SLC9A2: variants seen among roughly 807,000 people sequenced by gnomAD.
SLC9A2 encodes the protein sodium/hydrogen exchanger 2.
SLC9A2 carries 42 observed loss-of-function variants against 71.7 expected under a neutral mutation model. The ratio of observed to expected loss-of-function variants is 0.59; its 90% confidence interval spans 0.46 to 0.76. The LOEUF (loss-of-function observed/expected upper bound fraction) is 0.76, where lower values mean the gene tolerates loss of function less well. SLC9A2 is among the 30% of genes least tolerant of loss of function. The probability of loss-of-function intolerance (pLI) is 0.00; values close to 1 mark genes in which losing one functional copy is unlikely to be tolerated. For synonymous variants in SLC9A2, 396 were observed against 392.5 expected (o/e 1.01, Z -0.10); for missense variants, 829 against 1,017.4 (o/e 0.81, Z 2.52).
chr2:102,694,276 A>T, intron 5 of SLC9A2, 138 bp from the exon 6 acceptor site: 1 of 256,900 alleles, frequency 3.9e-6, no homozygotes. Flanking sequence ...TTTTGTCATT[A>T]CTTATCAAAG....
intron 1 of SLC9A2, among the ~76,000 whole-genome samples, chr2:102,638,125 G>A (rs990545435): frequency 6.6e-6 from 1 of 152,178 alleles, no homozygotes; most frequent in Non-Finnish European, 1.5e-5. Flanking sequence ...CACTAGATAG[G>A]CCCAACAAAA....
chr2:102,665,800 A>G (rs549729849), intron 3 of SLC9A2, among the ~76,000 whole-genome samples: 33 of 146,210 alleles, frequency 2.3e-4, no homozygotes, highest in Non-Finnish European at 3.8e-4. Context: ...AAAAAAAAAA[A>G]AGATTTTTCT....
intron 2 of SLC9A2, among the ~76,000 whole-genome samples, chr2:102,664,445 G>GCACACACACACACA (rs58155284): frequency 6.8e-6 from 1 of 147,966 alleles, no homozygotes; most frequent in South Asian, 2.2e-4. Context: ...TTCAGCAGAT[G>GCACACACACACACA]CACACACACA....
intron 7 of SLC9A2, chr2:102,697,491 G>T (rs1165822565): frequency 6.6e-6 from 1 of 151,744 alleles, no homozygotes; most frequent in African/African-American, 2.4e-5. Context: ...GCTAGCATTT[G>T]CCACTGCAGT....
At chr2:102,638,852 C>A (rs537216074) in intron 1 of SLC9A2, among the ~76,000 whole-genome samples, 53 of 152,322 alleles carry the variant, frequency 3.5e-4, no homozygotes, top group African/African-American at 1.3e-3. Context: ...AAAATAAAAA[C>A]TTTTAAAACC....
intron 1 of SLC9A2, among the ~76,000 whole-genome samples, chr2:102,639,347 C>A (rs182158999): frequency 3.9e-4 from 60 of 152,292 alleles, no homozygotes; most frequent in Non-Finnish European, 7.1e-4. Context: ...TTTTGAGCTG[C>A]CAAAAACTTC....
At chr2:102,643,790 G>A (rs1206462139) in intron 1 of SLC9A2, among the ~76,000 whole-genome samples, 1 of 151,942 alleles carries the variant, frequency 6.6e-6, no homozygotes, top group Admixed American at 6.6e-5. Flanking sequence ...TTGTTAAAGA[G>A]ATGGAGGTCT....
At position 102,665,212 on chromosome 2, in the gene SLC9A2, G is replaced by C. The variant is rs1482451230; in HGVS notation, c.866G>C (p.Gly289Ala). 1.9e-6 allele frequency: 3 copies of C among 1,613,878 alleles called. No homozygotes were observed. The highest frequency in any genetic ancestry group is 1.7e-5 in the Admixed American group (1 of 59,972). ...GTGGGAATCGGTGGGGTGCTGATTG[G>C]CATCTTCTTGGGCTTTATAGCGGCA... ...FVVGIGGVLI[G>A]IFLGFIAAFT... Residue 289 changes from glycine (G) to alanine (A), a missense_variant, in exon 3 of 12, where the codon GGC becomes GCC. Transcript: ENST00000233969.
chr2:102,684,829 C>T (rs1398282466), intron 5 of SLC9A2, among the ~76,000 whole-genome samples: 1 of 152,096 alleles, frequency 6.6e-6, no homozygotes, highest in Non-Finnish European at 1.5e-5. Flanking sequence ...GTTAAGATGC[C>T]AACTCTTAGA....
chr2:102,623,133 A>G (rs575069045), intron 1 of SLC9A2, among the ~76,000 whole-genome samples: 1 of 151,918 alleles, frequency 6.6e-6, no homozygotes, highest in Admixed American at 6.6e-5. Context: ...TTTCCCCTGC[A>G]TTGTGCTTGG....
intron 3 of SLC9A2, among the ~76,000 whole-genome samples, chr2:102,675,097 C>T (rs1161044817): frequency 2.6e-5 from 4 of 152,192 alleles, no homozygotes; most frequent in Non-Finnish European, 5.9e-5. Flanking sequence ...CAGAAGAAGG[C>T]AGCGAACTTA....
intron 3 of SLC9A2, among the ~76,000 whole-genome samples, chr2:102,670,962 A>G (rs533477804): frequency 5.3e-5 from 8 of 150,868 alleles, no homozygotes; most frequent in Non-Finnish European, 1.2e-4. Flanking sequence ...ATAGCCCTAC[A>G]TGCCAGAATA....
At chr2:102,707,013 A>G (rs1010150635) in intron 11 of SLC9A2, among the ~76,000 whole-genome samples, 7 of 152,198 alleles carry the variant, frequency 4.6e-5, no homozygotes, top group African/African-American at 1.4e-4. Context: ...CAAATACCAT[A>G]TATTTTCACT....
intron 5 of SLC9A2, among the ~76,000 whole-genome samples, chr2:102,687,842 G>A (rs1243373089): frequency 1.3e-5 from 2 of 151,688 alleles, no homozygotes; most frequent in Non-Finnish European, 2.9e-5. Flanking sequence ...GCAGTGGCAC[G>A]ATCTTGGCTC....
chr2:102,626,691 T>G (rs937977896), intron 1 of SLC9A2, among the ~76,000 whole-genome samples: 3 of 151,928 alleles, frequency 2.0e-5, no homozygotes, highest in Non-Finnish European at 4.4e-5. Context: ...AGGGCTAATA[T>G]CCAGAATCTA....
At chr2:102,689,718 G>C (rs945830738) in intron 5 of SLC9A2, 1 of 152,186 alleles carries the variant, frequency 6.6e-6, no homozygotes, top group Non-Finnish European at 1.5e-5. Context: ...TAGGTGAAAA[G>C]TTTAGGATAT....
intron 1 of SLC9A2, among the ~76,000 whole-genome samples, chr2:102,646,274 C>T (rs1425644020): frequency 2.6e-5 from 4 of 152,092 alleles, no homozygotes; most frequent in Non-Finnish European, 4.4e-5. Flanking sequence ...TCACCACCAG[C>T]CCTGCCTTAC....
In SLC9A2 at chr2:102,629,456, A is replaced by G. The variant is rs567819272; in HGVS notation, c.289+9319A>G. ...CCTATACTATCAAATGAGTTATGTT[A>G]TTTTCATTTGGCTAGGCCTCATTAA... On this transcript the variant is annotated intron_variant, in intron 1 of 11. Transcript: ENST00000233969. Among the ~76,000 whole-genome samples the G allele has an allele frequency of 1.5e-4, 23 of 152,134 alleles. No individual in the cohort carries two copies. In the South Asian group the frequency reaches 2.3e-3, roughly 15 times the overall value.
chr2:102,699,302 G>A (rs1573434741), intron 7 of SLC9A2, among the ~76,000 whole-genome samples: 1 of 152,254 alleles, frequency 6.6e-6, no homozygotes, highest in Admixed American at 6.5e-5. Flanking sequence ...GAGCACTGCT[G>A]GTAAGTCTTT....
Sources: gnomAD v4.1 joint callset for allele counts (sites outside exome capture counted in the v4.1 genomes callset) on GRCh38, gnomAD v4.1.1 for gene constraint, MANE v1.5 for transcripts, NCBI Gene and HGNC (gene_info 2026-07-23, HGNC 2026-07-21) for gene names.